The following DCAF4 variants were observed in gnomAD, a reference collection of about 807,000 sequenced individuals.
DCAF4 encodes DDB1- and CUL4-associated factor 4.
Under a neutral mutation model 60.9 loss-of-function variants are expected in DCAF4, and 37 were observed. The observed-to-expected ratio is 0.61, with a 90% CI of 0.47 to 0.80. The LOEUF is 0.80. DCAF4 is among the 30% of genes least tolerant of loss of function. The pLI is 0.00. For missense variants in DCAF4, 577 were observed against 650.0 expected (o/e 0.89, Z 1.22); for synonymous variants, 243 against 254.8 (o/e 0.95, Z 0.44).
chr14:72,946,875 A>G (rs908652272), intron 7 of DCAF4, among the ~76,000 whole-genome samples: 7 of 152,224 alleles, frequency 4.6e-5, no homozygotes, highest in African/African-American at 1.7e-4. Flanking sequence ...AGTTCGGCTT[A>G]TCTCCTGCCA....
chr14:72,936,113 C>T (rs549264466), intron 1 of DCAF4, among the ~76,000 whole-genome samples: 1 of 152,274 alleles, frequency 6.6e-6, no homozygotes, highest in South Asian at 2.1e-4. Context: ...TTAACACTGG[C>T]CACACGTGCT....
At chr14:72,954,879 G>A (rs1386432512) in intron 11 of DCAF4, among the ~76,000 whole-genome samples, 1 of 152,174 alleles carries the variant, frequency 6.6e-6, no homozygotes, top group Non-Finnish European at 1.5e-5. Context: ...CACTTTGGGA[G>A]GCCAAGATGG....
intron 3 of DCAF4, 78 bp from the exon 4 acceptor site, chr14:72,940,142 G>T: frequency 7.0e-6 from 11 of 1,566,156 alleles, no homozygotes; most frequent in Non-Finnish European, 9.6e-6. Flanking sequence ...GAGGTGGGGG[G>T]ACAGGCCACT....
intron 9 of DCAF4, among the ~76,000 whole-genome samples, chr14:72,953,775 TA>T (rs2140300585): frequency 4.0e-5 from 2 of 49,990 alleles, no homozygotes; most frequent in African/African-American, 6.6e-5. Context: ...TTTATTTATT[TA>T]TTTATTTGTG....
chr14:72,929,518 A>G, intron 1 of DCAF4: 1 of 719,884 alleles, frequency 1.4e-6, no homozygotes, highest in Admixed American at 2.2e-5. Context: ...GCGGCAACAA[A>G]GCGAGACCCC....
intron 1 of DCAF4, among the ~76,000 whole-genome samples, chr14:72,928,187 C>CTTTGTTTTTTTTTT (rs1887907472): frequency 1.5e-5 from 1 of 67,256 alleles, no homozygotes; most frequent in Non-Finnish European, 2.5e-5. Context: ...AATCCCCCCA[C>CTTTGTTTTTTTTTT]TTTTTTTTTT....
chr14:72,929,187 C>T (rs1888159636), intron 1 of DCAF4, among the ~76,000 whole-genome samples: 1 of 152,112 alleles, frequency 6.6e-6, no homozygotes, highest in African/African-American at 2.4e-5. Context: ...GAATGGTGCC[C>T]TGGAAGCAGG....
intron 4 of DCAF4, chr14:72,940,583 G>T: frequency 1.7e-5 from 7 of 402,810 alleles, no homozygotes; most frequent in Admixed American, 4.7e-5. Flanking sequence ...TTTCTTGTTC[G>T]ATAAGTTGTT....
intron 1 of DCAF4, chr14:72,929,933 C>CTGA: frequency 1.9e-6 from 2 of 1,053,766 alleles, no homozygotes; most frequent in Non-Finnish European, 2.8e-6. Context: ...AGAGCCATGG[C>CTGA]TGCTGCTCTC....
chr14:72,939,844 C>T lies in DCAF4; in HGVS notation c.135C>T (p.His45=), dbSNP rs776829754. 35 of 1,613,076 alleles carry T rather than the reference C, an allele frequency of 2.2e-5. No individual in the cohort carries two copies. Among genetic ancestry groups the T allele is most frequent in the Middle Eastern group, 1.6e-4 (1 of 6,084 alleles). The change falls in exon 3 of 14, where the codon CAC becomes CAT. Residue 45 remains histidine (H), a synonymous_variant. Transcript: ENST00000358377. ...RAAQPAHDSG[H]GDDESPSTSS... is the part of the protein sequence containing the mutation. Reference sequence around the variant, plus strand: ...CACAGCCCGCTCACGATTCCGGCCACGGTGATGACGAGTCTCCGTCAACCT... The same window carrying T: ...CACAGCCCGCTCACGATTCCGGCCATGGTGATGACGAGTCTCCGTCAACCT...
At chr14:72,929,630 G>C in intron 1 of DCAF4, 1 of 1,241,782 alleles carries the variant, frequency 8.1e-7, no homozygotes, top group Non-Finnish European at 1.2e-6. Flanking sequence ...TCTTGGCAGC[G>C]GCTTTCCTCA....
chr14:72,953,782 T>TGTG (rs1891878980), intron 9 of DCAF4, among the ~76,000 whole-genome samples: 8 of 41,092 alleles, frequency 1.9e-4, no homozygotes, highest in Non-Finnish European at 3.4e-4. Flanking sequence ...ATTTATTTAT[T>TGTG]TGTGTGTGTG....
At chr14:72,940,564 C>A in intron 4 of DCAF4, 187 bp downstream of exon 4, 2 of 525,106 alleles carry the variant, frequency 3.8e-6, no homozygotes, top group Non-Finnish European at 6.4e-6. Context: ...CCCCTTCTTC[C>A]ATCCCCGTTT....
chr14:72,945,950 A>G lies in DCAF4; in HGVS notation c.601A>G (p.Ile201Val), dbSNP rs1385801253. The change falls in exon 7 of 14, where the codon ATC (isoleucine) becomes GTC (valine). Residue 201 changes from isoleucine to valine, a missense_variant. Transcript: ENST00000358377. ...TAAAGTTGGAGGCTCCAAGTATGGT[A>G]TCATCAACCTGCAAAGTCTGAAGAC... is the stretch of plus-strand genomic sequence containing the variant. The part of the protein sequence containing the change: ...DVKVGGSKYG[I>V]INLQSLKTPT... 22 of 1,614,160 alleles carry G rather than the reference A, an allele frequency of 1.4e-5. No homozygotes were observed. The highest frequency in any genetic ancestry group is 2.2e-5 in the East Asian group (1 of 44,890).
At chr14:72,933,432 G>A (rs952005162) in intron 1 of DCAF4, among the ~76,000 whole-genome samples, 16 of 152,050 alleles carry the variant, frequency 1.1e-4, no homozygotes, top group Non-Finnish European at 2.2e-4. Flanking sequence ...GGTGGCATGC[G>A]CCTGTAGCCC....
intron 9 of DCAF4, among the ~76,000 whole-genome samples, chr14:72,952,658 T>C (rs1005615537): frequency 7.3e-5 from 11 of 150,914 alleles, no homozygotes; most frequent in African/African-American, 2.7e-4. Context: ...GGGAGGCCTC[T>C]GGGGTACTGG....
rs775188612 is a variant in DCAF4 at position 72,954,156 on chromosome 14, C to T, written c.809-8C>T. 8.7e-6 allele frequency: 14 copies of T among 1,613,962 alleles called. No homozygotes were observed. The highest frequency in any genetic ancestry group is 1.0e-5 in the Non-Finnish European group (12 of 1,179,962). On this transcript the variant is annotated splice_polypyrimidine_tract_variant and splice_region_variant and intron_variant, in intron 9 of 13. Coordinates refer to ENST00000358377, the MANE Select transcript of DCAF4 (RefSeq NM_015604.4). ...GCCACACTTTACATTCTCCTATCCC[C>T]TTAGCAGGAATAGACCGGCCTGGCA...
At position 72,953,726 on chromosome 14, in the gene DCAF4, A is replaced by AT. The variant is rs1256128158; in HGVS notation, c.809-438_809-437insT. Reference sequence around the variant, plus strand: ...CCCTGTCTTAAAAAAAAAAAAAAAAAAAAAAAATATATATATATATATATA... The same window carrying AT: ...CCCTGTCTTAAAAAAAAAAAAAAAAATAAAAAAATATATATATATATATATA... On this transcript the variant is annotated intron_variant, in intron 9 of 13. Transcript: ENST00000358377. 1.7e-3 allele frequency among the ~76,000 whole-genome samples: 77 copies of AT among 45,844 alleles called. 2 individuals carry two copies. The highest frequency in any genetic ancestry group is 2.1e-3 in the Non-Finnish European group (55 of 26,590). 30.1% of individuals were successfully genotyped at this position (45,844 alleles called of 152,430 possible). A position where few individuals can be genotyped will look rare whatever the true frequency, so the allele number is the denominator to read the frequency against.
At chr14:72,941,616 T>A (rs980767249) in intron 4 of DCAF4, 129 bp from the exon 5 acceptor site, 2 of 817,886 alleles carry the variant, frequency 2.4e-6, no homozygotes, top group Admixed American at 2.4e-5. Context: ...GTCAGATTTT[T>A]ATGCATATAA....
Sources: allele counts gnomAD v4.1 joint callset (sites outside exome capture counted in the v4.1 genomes callset), GRCh38; gene constraint gnomAD v4.1.1; transcripts MANE v1.5; gene names NCBI Gene and HGNC (gene_info 2026-07-23, HGNC 2026-07-21).